Variants in PIK3R3 observed in about 807,000 individuals in gnomAD.
The protein encoded by PIK3R3 is phosphoinositide-3-kinase regulatory subunit 3, also known as phosphatidylinositol 3-kinase regulatory subunit gamma.
Under a neutral mutation model 62.9 loss-of-function variants are expected in PIK3R3, and 64 were observed. The observed-to-expected ratio is 1.02, with a 90% CI of 0.83 to 1.25. PIK3R3 has a LOEUF of 1.25. PIK3R3 is among the 50% of genes most tolerant of loss of function. The pLI is 0.00. For missense variants in PIK3R3, 614 were observed against 561.6 expected (o/e 1.09, Z -0.94); for synonymous variants, 165 against 189.0 (o/e 0.87, Z 1.04).
At chr1:46,087,979 A>G (rs1452869591) in intron 1 of PIK3R3, among the ~76,000 whole-genome samples, 1 of 152,234 alleles carries the variant, frequency 6.6e-6, no homozygotes, top group African/African-American at 2.4e-5. Context: ...TTAGTATTTA[A>G]TGGGTATAGA....
intron 1 of PIK3R3, among the ~76,000 whole-genome samples, chr1:46,103,884 ACGCCCGGCC>A: frequency 6.6e-6 from 1 of 151,784 alleles, no homozygotes; most frequent in South Asian, 2.1e-4. Flanking sequence ...ATGAACCACC[ACGCCCGGCC>A]ATGATGGTAT....
chr1:46,152,016 AC>A, the PIK3R3 span, among the ~76,000 whole-genome samples: 2 of 152,176 alleles, frequency 1.3e-5, no homozygotes, highest in African/African-American at 4.8e-5. Context: ...ACTAAAACTC[AC>A]CTGTTATACA....
At chr1:46,165,497 G>T in the PIK3R3 span, among the ~76,000 whole-genome samples, 2 of 151,408 alleles carry the variant, frequency 1.3e-5, no homozygotes, top group Admixed American at 6.6e-5. Flanking sequence ...TAGAGACGGG[G>T]TTTACTCCAT....
At chr1:46,136,429 C>A (rs185439870), upstream of PIK3R3, among the ~76,000 whole-genome samples, 4 of 152,322 alleles carry the variant, frequency 2.6e-5, no homozygotes, top group South Asian at 6.2e-4. Flanking sequence ...TCTCTTGAGA[C>A]AGCAGTGTCT....
At position 46,083,976 on chromosome 1, in the gene PIK3R3, T is replaced by C. The variant is rs115018674; in HGVS notation, c.107-3226A>G. On this transcript the variant is annotated intron_variant, in intron 1 of 9. Coordinates refer to ENST00000262741, the MANE Select transcript of PIK3R3 (RefSeq NM_003629.4). ...ACAAAAACTTGCACATGAATGTTCA[T>C]AGTAGCTTTATTTATAATGGCCCAA... Among the ~76,000 whole-genome samples, 517 of 152,308 alleles carry C rather than the reference T, an allele frequency of 3.4e-3. 3 individuals carry two copies. The highest frequency in any genetic ancestry group is 0.012 in the African/African-American group (482 of 41,580).
intron 1 of PIK3R3, among the ~76,000 whole-genome samples, chr1:46,097,761 C>T (rs975825898): frequency 5.3e-5 from 8 of 151,802 alleles, no homozygotes; most frequent in Admixed American, 2.0e-4. Flanking sequence ...TGGTGGTGGA[C>T]GCCTGTAATC....
intron 3 of PIK3R3, among the ~76,000 whole-genome samples, chr1:46,076,046 T>C (rs1306975820): frequency 1.3e-5 from 2 of 152,170 alleles, no homozygotes; most frequent in Non-Finnish European, 2.9e-5. Context: ...CCTCAGCCAA[T>C]TGGATGGTGC....
chr1:46,107,324 C>T (rs1361063958), intron 1 of PIK3R3, among the ~76,000 whole-genome samples: 1 of 152,062 alleles, frequency 6.6e-6, no homozygotes, highest in African/African-American at 2.4e-5. Flanking sequence ...TGCCACTGCA[C>T]TCCAGCCTGG....
Position 46,132,415 on chromosome 1 carries a change from A to T in PIK3R3, c.-463T>A. On this transcript the variant is annotated 5_prime_UTR_variant, in exon 1 of 10. Coordinates refer to ENST00000262741, the MANE Select transcript of PIK3R3 (RefSeq NM_003629.4). The stretch of plus-strand genomic sequence containing the variant: ...AGGAAGGCAAAAAAGGGGGCTGGAG[A>T]TTGCGTTCAAGTTTCGGGGTCCCAC... 1.7e-6 allele frequency: 2 copies of T among 1,143,604 alleles called. No individual in the cohort carries two copies. Among genetic ancestry groups the T allele is most frequent in the Non-Finnish European group, 2.2e-6 (2 of 919,254 alleles). 70.8% of individuals were successfully genotyped at this position (1,143,604 alleles called of 1,614,324 possible).
intron 1 of PIK3R3, among the ~76,000 whole-genome samples, chr1:46,117,874 G>C (rs1409205968): frequency 6.6e-6 from 1 of 152,230 alleles, no homozygotes; most frequent in Non-Finnish European, 1.5e-5. Context: ...TTCAAGGCCA[G>C]TCTGGACAAC....
intron 1 of PIK3R3, among the ~76,000 whole-genome samples, chr1:46,112,819 C>G (rs1203746830): frequency 2.0e-5 from 3 of 152,122 alleles, no homozygotes; most frequent in Non-Finnish European, 4.4e-5. Context: ...AAGGAGAGAA[C>G]CTGGGCCATT....
rs770556698 is a variant in PIK3R3 at position 46,043,876 on chromosome 1, A to G, written c.1188-5T>C. On this transcript the variant is annotated splice_region_variant and splice_polypyrimidine_tract_variant and intron_variant, in intron 9 of 9. Transcript: ENST00000262741. ...TGCTTCACTTCCCCATCGGCCCTGC[A>G]ATGACAAACCACAGAAGAAATGTTA... is the stretch of plus-strand genomic sequence containing the variant. 1.2e-6 allele frequency: 2 copies of G among 1,610,870 alleles called. No homozygotes were observed. Among genetic ancestry groups the G allele is most frequent in the Non-Finnish European group, 1.7e-6 (2 of 1,177,974 alleles).
At chr1:46,057,319 C>T (rs1377406499) in intron 6 of PIK3R3, 4 of 152,292 alleles carry the variant, frequency 2.6e-5, no homozygotes, top group Non-Finnish European at 5.9e-5. Context: ...TTGTAAATTG[C>T]CCTGTCTTGG....
Position 46,044,627 on chromosome 1 carries a change from T to C in PIK3R3, c.1188-756A>G, listed in dbSNP as rs1365173811. ...CTATCCTTGGATAACAGTAATCCAA[T>C]GCACTTTTCAACTCCTCCCCCATTT... On this transcript the variant is annotated intron_variant, in intron 9 of 9. Transcript: ENST00000262741. The surrounding 1 kb of genome is among the most constrained non-coding windows in gnomAD (Gnocchi z 4.2). Among the ~76,000 whole-genome samples the C allele has an allele frequency of 6.6e-6, 1 of 152,180 alleles. No individual in the cohort carries two copies. The highest frequency in any genetic ancestry group is 1.5e-5 in the Non-Finnish European group (1 of 68,038).
At chr1:46,101,195 TG>T (rs1004281032) in intron 1 of PIK3R3, among the ~76,000 whole-genome samples, 1 of 143,388 alleles carries the variant, frequency 7.0e-6, no homozygotes, top group Non-Finnish European at 1.5e-5. Context: ...AAAAAAAATT[TG>T]TAAAAACATC....
chr1:46,119,773 AT>A (rs749113212), intron 1 of PIK3R3, among the ~76,000 whole-genome samples: 22,148 of 124,232 alleles, frequency 0.18, 1,465 homozygotes, highest in Non-Finnish European at 0.24. Flanking sequence ...CCAACTCCTA[AT>A]TTTTTTTTTT....
At chr1:46,148,606 G>GC in the PIK3R3 span, among the ~76,000 whole-genome samples, 1 of 152,176 alleles carries the variant, frequency 6.6e-6, no homozygotes, top group African/African-American at 2.4e-5. Flanking sequence ...ACCCTTGGAA[G>GC]CAGAGTGCAG....
rs563005492 is a variant in PIK3R3, at chr1:46,071,532, C to T, written c.315-4441G>A. Reference sequence around the variant, plus strand: ...CCAACATGGTGAAACCCTGCCTCTACCAAAAATACAAAAATTAGCTGGGCG... The same window carrying T: ...CCAACATGGTGAAACCCTGCCTCTATCAAAAATACAAAAATTAGCTGGGCG... On this transcript the variant is annotated intron_variant, in intron 3 of 9. Transcript: ENST00000262741. Among the ~76,000 whole-genome samples, 6 of 150,420 alleles carry T rather than the reference C, an allele frequency of 4.0e-5. No homozygotes were observed. The East Asian group carries it at 7.8e-4, about 20-fold the overall frequency.
At chr1:46,129,401 T>TTTTTTTTA (rs375178162) in intron 1 of PIK3R3, among the ~76,000 whole-genome samples, 11 of 131,670 alleles carry the variant, frequency 8.4e-5, no homozygotes, top group South Asian at 2.4e-4. Flanking sequence ...AATTGGGGGA[T>TTTTTTTTA]TTTATTTATT....
Sources: gnomAD v4.1 joint callset for allele counts (sites outside exome capture counted in the v4.1 genomes callset) on GRCh38, gnomAD v4.1.1 for gene constraint, Gnocchi (gnomAD v3.1) non-coding constraint, MANE v1.5 for transcripts, NCBI Gene and HGNC (gene_info 2026-07-23, HGNC 2026-07-21) for gene names.